ITPRID1: variants seen among roughly 807,000 people sequenced by gnomAD.
ITPRID1 encodes the protein protein ITPRID1.
A neutral mutation model predicts 95.4 loss-of-function variants in ITPRID1; 96 were observed. The ratio of observed to expected loss-of-function variants is 1.01; its 90% confidence interval spans 0.85 to 1.19. The LOEUF is 1.19. Among genes scored for constraint, ITPRID1 ranks in the 50% most tolerant of loss-of-function variants. The pLI is 0.00. For synonymous variants in ITPRID1, 510 were observed against 453.6 expected, an observed-to-expected ratio of 1.12 and a Z score of -1.58; for missense variants, 1,339 against 1,252.9, an observed-to-expected ratio of 1.07 and a Z score of -1.04.
intron 1 of ITPRID1, among the ~76,000 whole-genome samples, chr7:31,546,274 C>T (rs1784093604): frequency 6.6e-6 from 1 of 151,972 alleles, no homozygotes; most frequent in Non-Finnish European, 1.5e-5. Flanking sequence ...TGTTTGTTAG[C>T]TGTTGGGAGG....
intron 1 of ITPRID1, among the ~76,000 whole-genome samples, chr7:31,519,620 C>CTCTCTCTATATATATATATATATA: frequency 3.6e-4 from 9 of 25,260 alleles, no homozygotes; most frequent in Non-Finnish European, 4.4e-4. Flanking sequence ...CTCTCTCTCT[C>CTCTCTCTATATATATATATATATA]TATATATATA....
intron 12 of ITPRID1, among the ~76,000 whole-genome samples, chr7:31,650,409 G>A (rs920111809): frequency 2.6e-5 from 4 of 152,088 alleles, no homozygotes; most frequent in African/African-American, 9.7e-5. Flanking sequence ...AAGTTCTCAG[G>A]AGCTGCAGGA....
At chr7:31,566,332 T>G (rs961793206) in intron 5 of ITPRID1, among the ~76,000 whole-genome samples, 1 of 152,240 alleles carries the variant, frequency 6.6e-6, no homozygotes, top group Non-Finnish European at 1.5e-5. Flanking sequence ...CCTGGCCTGA[T>G]GTACACGTTT....
chr7:31,653,069 A>G lies in ITPRID1; in HGVS notation c.*240A>G. On this transcript the variant is annotated 3_prime_UTR_variant, in exon 15 of 15. Transcript: ENST00000615280. ...GAGTATGCAACAGTGACTAAATAGT[A>G]TACGGTCTCTGCCCTGCTAGAACTT... 1 of 1,003,214 alleles carries G rather than the reference A, an allele frequency of 1.0e-6. No homozygotes were observed. Among genetic ancestry groups the G allele is most frequent in the Admixed American group, 3.2e-5 (1 of 31,610 alleles). The allele number at this position is 1,003,214 out of a possible 1,614,324, so 62.1% of individuals were successfully genotyped here.
At chr7:31,529,712 A>G in intron 1 of ITPRID1, 1 of 1,434,024 alleles carries the variant, frequency 7.0e-7, no homozygotes, top group South Asian at 1.2e-5. Flanking sequence ...AGTCAGTCTT[A>G]GCTGCTGGAA....
In ITPRID1 at chr7:31,606,465, GA is replaced by G. The variant is rs1786629533; in HGVS notation, c.1228+23275del. On this transcript the variant is annotated intron_variant, in intron 10 of 14. Transcript: ENST00000615280. Reference sequence around the variant, plus strand: ...GTGACACAGAAAAGAAAACGAGAGAGAGAGAGAGGAAAAAAAAGGAAAGATA... The same window carrying G: ...GTGACACAGAAAAGAAAACGAGAGAGGAGAGAGGAAAAAAAAGGAAAGATA... Among the ~76,000 whole-genome samples, 3 of 152,028 alleles carry G rather than the reference GA, an allele frequency of 2.0e-5. No individual in the cohort carries two copies. In the East Asian group the frequency reaches 5.8e-4, roughly 29 times the overall value.
chr7:31,539,647 CAA>C (rs1283823820), intron 1 of ITPRID1, among the ~76,000 whole-genome samples: 1 of 152,156 alleles, frequency 6.6e-6, no homozygotes, highest in Non-Finnish European at 1.5e-5. Flanking sequence ...GTTCAACAGT[CAA>C]AGACAGGTTT....
intron 5 of ITPRID1, among the ~76,000 whole-genome samples, chr7:31,561,855 C>T (rs6960612): frequency 0.58 from 87,511 of 151,842 alleles, 26,449 homozygotes; most frequent in Middle Eastern, 0.71. Context: ...GCAAACATGT[C>T]TGAGTCTCAG....
chr7:31,569,534 C>T (rs1482544065), intron 5 of ITPRID1, among the ~76,000 whole-genome samples: 1 of 152,224 alleles, frequency 6.6e-6, no homozygotes, highest in Non-Finnish European at 1.5e-5. Context: ...CCATTTAGCA[C>T]TGACTTCCCT....
chr7:31,625,543 A>G (rs1033237418), intron 10 of ITPRID1, among the ~76,000 whole-genome samples: 1 of 152,108 alleles, frequency 6.6e-6, no homozygotes, highest in South Asian at 2.1e-4. Flanking sequence ...GACACCACAT[A>G]TTCTCACTCA....
chr7:31,527,658 G>GT (rs977230151), intron 1 of ITPRID1, among the ~76,000 whole-genome samples: 5 of 151,920 alleles, frequency 3.3e-5, no homozygotes, highest in Non-Finnish European at 5.9e-5. Context: ...TTTCCAGGAT[G>GT]TTTTTTCCAA....
At chr7:31,604,952 A>G (rs1199187776) in intron 10 of ITPRID1, among the ~76,000 whole-genome samples, 2 of 152,130 alleles carry the variant, frequency 1.3e-5, no homozygotes, top group Non-Finnish European at 2.9e-5. Flanking sequence ...CCTAGCCAAT[A>G]TGGTGAAACC....
At chr7:31,620,388 G>A (rs180963916) in intron 10 of ITPRID1, among the ~76,000 whole-genome samples, 1,583 of 151,894 alleles carry the variant, frequency 0.01, 12 homozygotes, top group Non-Finnish European at 0.018. Flanking sequence ...ACCTCACACG[G>A]CCGGGTACTC....
chr7:31,598,405 T>C (rs866979104), intron 10 of ITPRID1, among the ~76,000 whole-genome samples: 26,350 of 134,960 alleles, frequency 0.2, 2,358 homozygotes, highest in Non-Finnish European at 0.21. Flanking sequence ...TTTCTTTTTT[T>C]TTTTTTTTTT....
Position 31,569,794 on chromosome 7 carries a change from T to C in ITPRID1, c.293T>C (p.Val98Ala), listed in dbSNP as rs1784921630. The change falls in exon 6 of 15, where the codon GTG becomes GCG. Residue 98 changes from valine (V) to alanine (A), a missense_variant. Coordinates refer to ENST00000615280, the MANE Select transcript of ITPRID1 (RefSeq NM_001257967.3). ...LYEQGMVQMTVKDYMRSLHQF... is the reference protein window; with the variant it reads ...LYEQGMVQMTAKDYMRSLHQF... ...GAACAAGGGATGGTTCAAATGACTG[T>C]GAAAGACTACATGAGGTAGGTAGCA... The C allele has an allele frequency of 6.3e-7, 1 of 1,587,016 alleles. No individual in the cohort carries two copies. Among genetic ancestry groups the C allele is most frequent in the Non-Finnish European group, 8.6e-7 (1 of 1,165,390 alleles).
At chr7:31,635,802 A>C (rs937164370) in intron 10 of ITPRID1, among the ~76,000 whole-genome samples, 1 of 152,138 alleles carries the variant, frequency 6.6e-6, no homozygotes, top group African/African-American at 2.4e-5. Flanking sequence ...GAGGAGAGGA[A>C]CAGGAAAAAT....
At chr7:31,533,033 A>C (rs2128130664) in intron 1 of ITPRID1, among the ~76,000 whole-genome samples, 1 of 152,294 alleles carries the variant, frequency 6.6e-6, no homozygotes, top group South Asian at 2.1e-4. Context: ...AGGAATTGAA[A>C]ATATTTTTTT....
chr7:31,525,120 T>A (rs1227314878), intron 1 of ITPRID1, among the ~76,000 whole-genome samples: 1 of 152,188 alleles, frequency 6.6e-6, no homozygotes, highest in Non-Finnish European at 1.5e-5. Flanking sequence ...ATTATTGAAT[T>A]AACCCCTACA....
chr7:31,641,230 T>A (rs1255632648), intron 10 of ITPRID1, among the ~76,000 whole-genome samples: 1 of 152,210 alleles, frequency 6.6e-6, no homozygotes, highest in African/African-American at 2.4e-5. Context: ...CAGCAGTTGT[T>A]CAAGCAAAGG....
Sources: allele counts gnomAD v4.1 joint callset (sites outside exome capture counted in the v4.1 genomes callset), GRCh38; gene constraint gnomAD v4.1.1; transcripts MANE v1.5; gene names NCBI Gene and HGNC (gene_info 2026-07-23, HGNC 2026-07-21).